CRACDL: variants seen among roughly 807,000 people sequenced by gnomAD.
CRACDL encodes CRACD-like protein.
CRACDL carries 26 observed loss-of-function variants against 70.6 expected under a neutral mutation model. The ratio of observed to expected loss-of-function variants is 0.37; its 90% CI spans 0.27 to 0.51. The LOEUF (loss-of-function observed/expected upper bound fraction) is 0.51, where lower values mean the gene tolerates loss of function less well. CRACDL is among the 20% of genes least tolerant of loss of function. CRACDL has a pLI of 0.94. For missense variants in CRACDL, 1,283 were observed against 1,376.9 expected, an observed-to-expected ratio of 0.93 and a Z score of 1.08; for synonymous variants, 618 against 615.2, an observed-to-expected ratio of 1.00 and a Z score of -0.07.
intron 1 of CRACDL, among the ~76,000 whole-genome samples, chr2:98,925,868 T>C (rs1416636253): frequency 6.6e-6 from 1 of 152,026 alleles, no homozygotes; most frequent in African/African-American, 2.4e-5. Context: ...AACACACACA[T>C]GCGCGCGCAC....
chr2:98,903,782 AC>A (rs1708342270), intron 1 of CRACDL, among the ~76,000 whole-genome samples: 1 of 152,256 alleles, frequency 6.6e-6, no homozygotes, highest in Non-Finnish European at 1.5e-5. Flanking sequence ...TAAGTCAGAT[AC>A]ATCACTAAAT....
At chr2:98,869,370 G>C (rs1190799248) in intron 1 of CRACDL, 5 of 938,504 alleles carry the variant, frequency 5.3e-6, no homozygotes, top group East Asian at 1.3e-4. Flanking sequence ...AGAAAAGGCC[G>C]TCTAAGAAAC....
intron 1 of CRACDL, among the ~76,000 whole-genome samples, chr2:98,914,675 G>T (rs1708626802): frequency 6.6e-6 from 1 of 152,182 alleles, no homozygotes; most frequent in Admixed American, 6.5e-5. Flanking sequence ...ACCTCATGGA[G>T]CTTCACGCTG....
chr2:98,935,692 A>G (rs952259714), intron 1 of CRACDL, among the ~76,000 whole-genome samples: 46 of 152,200 alleles, frequency 3.0e-4, no homozygotes, highest in African/African-American at 9.6e-4. Flanking sequence ...GGTCCAGCAA[A>G]GTGAGCAAAG....
At position 98,823,361 on chromosome 2, in the gene CRACDL, C is replaced by T. The variant is rs1705176693; in HGVS notation, c.912G>A (p.Gly304=). The change falls in exon 7 of 10, where the codon GGG becomes GGA. Residue 304 remains glycine, a synonymous_variant. Transcript: ENST00000397899. This position sits in a 1 kb window ranked among gnomAD's most constrained non-coding sequence, Gnocchi z 4.0. ...GCAGGCGGGCGCGTCTGGCACGGGC[C>T]CCTCCGGGTGGCGGCAAGGGCGCCG... The part of the protein sequence containing the change: ...GPPAPLPPPG[G]ARARRARLQH... The T allele has an allele frequency of 1.3e-6, 2 of 1,525,376 alleles. No homozygotes were observed. Among genetic ancestry groups the T allele is most frequent in the Non-Finnish European group, 1.7e-6 (2 of 1,143,706 alleles). The allele number at this position is 1,525,376 out of a possible 1,614,324, so 94.5% of individuals were successfully genotyped here.
intron 7 of CRACDL, among the ~76,000 whole-genome samples, chr2:98,813,043 G>A (rs1704638355): frequency 6.6e-6 from 1 of 152,106 alleles, no homozygotes; most frequent in African/African-American, 2.4e-5. Flanking sequence ...TATGATGTAA[G>A]ACTTAGGTCA....
At chr2:98,836,749 T>A (rs1169108367) in intron 3 of CRACDL, among the ~76,000 whole-genome samples, 1 of 152,054 alleles carries the variant, frequency 6.6e-6, no homozygotes, top group Non-Finnish European at 1.5e-5. Context: ...ATTATCGCGA[T>A]AACATCTCGT....
In CRACDL at chr2:98,823,292, G is replaced by T; in HGVS notation, c.981C>A (p.Val327=). Reference sequence around the variant, plus strand: ...GGCGGCTTGAGGGGTCCTCCCCGGGGACGCCCCCCTCCTCCACGCTGGCCG... The same window carrying T: ...GGCGGCTTGAGGGGTCCTCCCCGGGTACGCCCCCCTCCTCCACGCTGGCCG... ...ALTASVEEGG[V]PGEDPSSRPA... Residue 327 remains valine (V), a synonymous_variant, in exon 7 of 10, where the codon GTC becomes GTA. Transcript: ENST00000397899. The surrounding 1 kb of genome is among the most constrained non-coding windows in gnomAD (Gnocchi z 4.0). 1 of 1,420,454 alleles carries T rather than the reference G, an allele frequency of 7.0e-7. No homozygotes were observed. Among genetic ancestry groups the T allele is most frequent in the East Asian group, 2.8e-5 (1 of 35,890 alleles). The allele number at this position is 1,420,454 out of a possible 1,614,324, so 88.0% of individuals were successfully genotyped here.
chr2:98,912,237 T>C (rs1203276727), intron 1 of CRACDL, among the ~76,000 whole-genome samples: 2 of 152,224 alleles, frequency 1.3e-5, no homozygotes, highest in African/African-American at 2.4e-5. Context: ...TCTCTGCCTT[T>C]TAACAAAAAG....
rs184029596 is a variant in CRACDL, at chr2:98,853,140, T to C, written c.-10-6330A>G. Among the ~76,000 whole-genome samples the C allele has an allele frequency of 3.9e-5, 6 of 152,222 alleles. No homozygotes were observed. The East Asian group carries it at 1.2e-3, about 29-fold the overall frequency. ...AGATAATGTTACAGATCTAAGAATC[T>C]TAGCAAACTCCAAGAAAACCACAAC... On this transcript the variant is annotated intron_variant, in intron 1 of 9. Coordinates refer to ENST00000397899, the MANE Select transcript of CRACDL (RefSeq NM_207362.3).
At chr2:98,885,046 G>A (rs1479619924) in intron 1 of CRACDL, among the ~76,000 whole-genome samples, 3 of 152,164 alleles carry the variant, frequency 2.0e-5, no homozygotes, top group Non-Finnish European at 4.4e-5. Flanking sequence ...GTAGCAAGAG[G>A]GTGCAGGGCA....
intron 7 of CRACDL, among the ~76,000 whole-genome samples, chr2:98,807,824 A>AG (rs1704379738): frequency 6.6e-6 from 1 of 152,166 alleles, no homozygotes; most frequent in African/African-American, 2.4e-5. Context: ...AAGCTGATAG[A>AG]GGGGGGCAGG....
intron 1 of CRACDL, among the ~76,000 whole-genome samples, chr2:98,861,744 C>T (rs1706945664): frequency 6.6e-6 from 1 of 152,160 alleles, no homozygotes. Flanking sequence ...TGAAGGCTTG[C>T]AACTTCCAAG....
At chr2:98,883,803 T>G (rs1359000295) in intron 1 of CRACDL, among the ~76,000 whole-genome samples, 1 of 152,198 alleles carries the variant, frequency 6.6e-6, no homozygotes, top group Non-Finnish European at 1.5e-5. Context: ...AAACAAGGCC[T>G]GTCATCCAGG....
At chr2:98,869,257 T>C (rs1707257156) in intron 1 of CRACDL, 1 of 1,259,168 alleles carries the variant, frequency 7.9e-7, no homozygotes, top group African/African-American at 1.5e-5. Context: ...CTTGTCCCCA[T>C]CTCTCACAGA....
chr2:98,922,216 A>T (rs1469402944), intron 1 of CRACDL, among the ~76,000 whole-genome samples: 9 of 151,848 alleles, frequency 5.9e-5, no homozygotes, highest in Non-Finnish European at 1.2e-4. Flanking sequence ...CAGGTGGATC[A>T]TGAGGTCAAG....
intron 1 of CRACDL, among the ~76,000 whole-genome samples, chr2:98,860,525 G>T (rs1487802329): frequency 6.6e-6 from 1 of 152,148 alleles, no homozygotes; most frequent in Non-Finnish European, 1.5e-5. Context: ...TCAATGGAGG[G>T]ATATCATCTT....
chr2:98,912,397 C>T (rs2104677787), intron 1 of CRACDL, among the ~76,000 whole-genome samples: 1 of 152,344 alleles, frequency 6.6e-6, no homozygotes. Context: ...GATGCTCACA[C>T]CTGTCTGCCA....
chr2:98,856,612 G>C (rs1291199577), intron 1 of CRACDL, among the ~76,000 whole-genome samples: 3 of 152,062 alleles, frequency 2.0e-5, no homozygotes, highest in Non-Finnish European at 2.9e-5. Flanking sequence ...GATTCAAAAA[G>C]CAATGGCATA....
Sources: gnomAD v4.1 joint callset for allele counts (sites outside exome capture counted in the v4.1 genomes callset) on GRCh38, gnomAD v4.1.1 for gene constraint, Gnocchi (gnomAD v3.1) non-coding constraint, MANE v1.5 for transcripts, NCBI Gene and HGNC (gene_info 2026-07-23, HGNC 2026-07-21) for gene names.